Variants in SASH1 observed in about 807,000 individuals in gnomAD.
The protein encoded by SASH1 is SAM and SH3 domain-containing protein 1.
In SASH1, 44 loss-of-function variants were observed where a neutral mutation model predicts 125.2. That is an observed-to-expected ratio of 0.35 (90% CI 0.28 to 0.45). SASH1 has a LOEUF of 0.45. SASH1 is among the 20% of genes least tolerant of loss of function. The pLI is 1.00. For synonymous variants in SASH1, 639 were observed against 649.1 expected (o/e 0.98, Z 0.24); for missense variants, 1,426 against 1,614.5 (o/e 0.88, Z 2.00).
At chr6:148,434,063 ATTTTTTTTTTTTTTTTT>A (rs758854072) in intron 2 of SASH1, among the ~76,000 whole-genome samples, 1 of 69,360 alleles carries the variant, frequency 1.4e-5, no homozygotes, top group Non-Finnish European at 2.6e-5. Context: ...GGAACTGGAG[ATTTTTTTTTTTTTTTTT>A]TTTTTTTTTT....
At chr6:148,238,225 T>C in the SASH1 span, among the ~76,000 whole-genome samples, 1 of 152,048 alleles carries the variant, frequency 6.6e-6, no homozygotes, top group Non-Finnish European at 1.5e-5. Flanking sequence ...TTATTTTATT[T>C]TATTTTATTT....
At chr6:148,348,013 T>C (rs1582998164) in intron 1 of SASH1, among the ~76,000 whole-genome samples, 1 of 152,228 alleles carries the variant, frequency 6.6e-6, no homozygotes, top group East Asian at 1.9e-4. Flanking sequence ...ATTTGTTTAT[T>C]TATTTATTTT....
At chr6:148,452,232 T>A (rs2115045412) in intron 4 of SASH1, among the ~76,000 whole-genome samples, 1 of 152,336 alleles carries the variant, frequency 6.6e-6, no homozygotes, top group South Asian at 2.1e-4. Context: ...GTTATGATAT[T>A]AGGTACTCTT....
intron 1 of SASH1, among the ~76,000 whole-genome samples, chr6:148,290,899 GAA>G (rs1412125869): frequency 7.8e-6 from 1 of 128,412 alleles, no homozygotes; most frequent in Non-Finnish European, 1.7e-5. Context: ...AAAAAAAAAA[GAA>G]AGAGAAAAAA....
At chr6:148,452,543 CCGCT>C (rs1407439726) in intron 4 of SASH1, among the ~76,000 whole-genome samples, 1 of 152,226 alleles carries the variant, frequency 6.6e-6, no homozygotes, top group Non-Finnish European at 1.5e-5. Flanking sequence ...AGTTTACGCT[CCGCT>C]AGTTGTGGGA....
intron 4 of SASH1, among the ~76,000 whole-genome samples, chr6:148,458,575 G>C (rs954816840): frequency 1.3e-5 from 2 of 152,190 alleles, no homozygotes; most frequent in Non-Finnish European, 2.9e-5. Flanking sequence ...CAGTGGCATA[G>C]AGCTTTATTA....
chr6:148,319,867 T>G (rs189945265), intron 1 of SASH1, among the ~76,000 whole-genome samples: 1 of 152,332 alleles, frequency 6.6e-6, no homozygotes, highest in East Asian at 1.9e-4. Flanking sequence ...TGAAATCTTG[T>G]GCTGTCCAGC....
intron 2 of SASH1, among the ~76,000 whole-genome samples, chr6:148,405,710 G>A (rs9403955): frequency 0.13 from 19,029 of 151,924 alleles, 1,351 homozygotes; most frequent in Admixed American, 0.22. Context: ...GGCTGAGGCC[G>A]TATGCACTCA....
chr6:148,374,354 T>G (rs1782809412), intron 1 of SASH1, among the ~76,000 whole-genome samples: 1 of 152,184 alleles, frequency 6.6e-6, no homozygotes, highest in Non-Finnish European at 1.5e-5. Flanking sequence ...TTAGCCAAGA[T>G]GAACTGATAA....
chr6:148,338,391 C>T (rs534132598), upstream of SASH1, among the ~76,000 whole-genome samples: 1 of 146,244 alleles, frequency 6.8e-6, no homozygotes, highest in East Asian at 2.0e-4. Flanking sequence ...CACGCCACTG[C>T]ACTACATCCT....
In SASH1 at chr6:148,549,355, GCTAA is replaced by G; in HGVS notation, c.*801_*804del. The G allele has an allele frequency of 2.9e-6, 1 of 348,696 alleles. No individual in the cohort carries two copies. 21.6% of individuals were successfully genotyped at this position (348,696 alleles called of 1,614,324 possible). ...CTTCATGTTGGTTTTTGGTTTTTAA[GCTAA>G]CTACAAATCTAGTAAAAAGCTATCT... On this transcript the variant is annotated 3_prime_UTR_variant, in exon 20 of 20. Coordinates refer to ENST00000367467, the MANE Select transcript of SASH1 (RefSeq NM_015278.5).
chr6:148,390,220 G>A lies in SASH1; in HGVS notation c.243G>A (p.Met81Ile). The change falls in exon 2 of 20, where the codon ATG (methionine) becomes ATA (isoleucine). Residue 81 changes from methionine to isoleucine, a missense_variant. This residue lies in a region of SASH1 where 567 missense variants were observed against 575.6 expected (regional missense o/e 0.99). Coordinates refer to ENST00000367467, the MANE Select transcript of SASH1 (RefSeq NM_015278.5). ...GTTTCTCCGACGTGTGCGAGAGGATGGAGGAGCTGCGGAAACGGCGGGTTT... is the reference window on the plus strand; with the variant it reads ...GTTTCTCCGACGTGTGCGAGAGGATAGAGGAGCTGCGGAAACGGCGGGTTT... ...NTCFSDVCER[M>I]EELRKRRVSQ... 6.2e-7 allele frequency: 1 copy of A among 1,612,930 alleles called. No individual in the cohort carries two copies. Among genetic ancestry groups the A allele is most frequent in the Non-Finnish European group, 8.5e-7 (1 of 1,179,710 alleles).
At chr6:148,377,411 A>G (rs186306437) in intron 1 of SASH1, among the ~76,000 whole-genome samples, 1 of 152,180 alleles carries the variant, frequency 6.6e-6, no homozygotes, top group Admixed American at 6.5e-5. Flanking sequence ...ATATGAGAAG[A>G]TTGTGAGACT....
upstream of SASH1, among the ~76,000 whole-genome samples, chr6:148,339,604 T>A (rs1781265384): frequency 6.6e-6 from 1 of 151,986 alleles, no homozygotes; most frequent in African/African-American, 2.4e-5. Flanking sequence ...TCGTCCAGGC[T>A]GAGTGCAGTG....
Position 148,456,113 on chromosome 6 carries a change from C to T in SASH1, c.387-12432C>T, listed in dbSNP as rs778097899. Among the ~76,000 whole-genome samples, 11 of 152,176 alleles carry T rather than the reference C, an allele frequency of 7.2e-5. No homozygotes were observed. The South Asian group carries it at 1.2e-3, about 17-fold the overall frequency. On this transcript the variant is annotated intron_variant, in intron 4 of 19. Coordinates refer to ENST00000367467, the MANE Select transcript of SASH1 (RefSeq NM_015278.5). ...CACTGAGAAAGTCCTGACCTGCTTC[C>T]GGAGCCATTGCCATGGAAACGCAAG...
intron 1 of SASH1, among the ~76,000 whole-genome samples, chr6:148,294,286 A>C (rs1044109077): frequency 1.2e-4 from 18 of 152,246 alleles, no homozygotes; most frequent in Non-Finnish European, 2.2e-4. Context: ...TCGCAGGATC[A>C]GCGGTTGAAA....
In SASH1 at chr6:148,432,202, C is replaced by T. The variant is rs1324151018; in HGVS notation, c.286-7982C>T. 3.3e-5 allele frequency among the ~76,000 whole-genome samples: 5 copies of T among 152,142 alleles called. No individual in the cohort carries two copies. The East Asian group carries it at 5.8e-4, about 18-fold the overall frequency. On this transcript the variant is annotated intron_variant, in intron 2 of 19. Transcript: ENST00000367467. Reference sequence around the variant, plus strand: ...GTTGGTTAGGCTGGTCTCAAACTCCCGACCTCAGGTGATCTGCCTGCCTCG... The same window carrying T: ...GTTGGTTAGGCTGGTCTCAAACTCCTGACCTCAGGTGATCTGCCTGCCTCG...
At position 148,298,667 on chromosome 6, in the gene SASH1, G is replaced by GAGGAAGGAAGGA. The variant is rs71031057; in HGVS notation, n.74+26325_74+26336dup. On this transcript the variant is annotated intron_variant and non_coding_transcript_variant, in intron 1 of 3. Coordinates refer to the SASH1 transcript ENST00000367469. Reference sequence around the variant, plus strand: ...GAAGGAAGGGAGGGAGGGAGGGAGGGAGGAAGGAAGGAAGGAAGGAAGGAA... The same window carrying GAGGAAGGAAGGA: ...GAAGGAAGGGAGGGAGGGAGGGAGGGAGGAAGGAAGGAAGGAAGGAAGGAAGGAAGGAAGGAA... 3.0e-3 allele frequency among the ~76,000 whole-genome samples: 166 copies of GAGGAAGGAAGGA among 55,714 alleles called. 2 individuals carry two copies. The highest frequency in any genetic ancestry group is 6.0e-3 in the African/African-American group (94 of 15,584). The allele number at this position is 55,714 out of a possible 152,430, so 36.6% of individuals were successfully genotyped here.
In SASH1 at chr6:148,533,714, G is replaced by T. The variant is rs751878791; in HGVS notation, c.1735-57G>T. The stretch of plus-strand genomic sequence containing the variant: ...TGACCTGTGTATCTGACAGATTCTT[G>T]ATTTGTACGTTCATGGAATGTACCT... On this transcript the variant is annotated intron_variant, in intron 14 of 19. Transcript: ENST00000367467. The surrounding 1 kb of genome is among the most constrained non-coding windows in gnomAD (Gnocchi z 6.2). 16 of 1,494,378 alleles carry T rather than the reference G, an allele frequency of 1.1e-5. No individual in the cohort carries two copies. The highest frequency in any genetic ancestry group is 1.4e-5 in the Non-Finnish European group (15 of 1,083,408). The allele number at this position is 1,494,378 out of a possible 1,614,324, so 92.6% of individuals were successfully genotyped here.
Sources: gnomAD v4.1 joint callset for allele counts (sites outside exome capture counted in the v4.1 genomes callset) on GRCh38, gnomAD v4.1.1 for gene constraint, gnomAD v4.1.1 regional missense constraint, Gnocchi (gnomAD v3.1) non-coding constraint, MANE v1.5 for transcripts, NCBI Gene and HGNC (gene_info 2026-07-23, HGNC 2026-07-21) for gene names.